Variants in EFCAB14 observed in about 807,000 individuals in gnomAD.
EFCAB14 encodes the protein EF-hand calcium binding domain 14.
A neutral mutation model predicts 56.5 loss-of-function variants in EFCAB14; 43 were observed. The ratio of observed to expected loss-of-function variants is 0.76; its 90% confidence interval spans 0.60 to 0.98. The LOEUF (loss-of-function observed/expected upper bound fraction) is 0.98. EFCAB14 is among the 50% of genes least tolerant of loss of function. EFCAB14 has a pLI of 0.00. For missense variants in EFCAB14, 538 were observed against 580.3 expected (o/e 0.93, Z 0.75); for synonymous variants, 235 against 212.9 (o/e 1.10, Z -0.90).
chr1:46,698,019 T>G (rs1158511024), intron 3 of EFCAB14, among the ~76,000 whole-genome samples: 1 of 152,012 alleles, frequency 6.6e-6, no homozygotes, highest in Non-Finnish European at 1.5e-5. Context: ...ACCTGGCAAA[T>G]TTTTGCATTT....
intron 3 of EFCAB14, among the ~76,000 whole-genome samples, 193 bp from the exon 4 acceptor site, chr1:46,696,842 C>T (rs1018534954): frequency 1.3e-5 from 2 of 152,038 alleles, no homozygotes; most frequent in African/African-American, 4.8e-5. Flanking sequence ...ACAATAATAC[C>T]CCTTCTTTCC....
At chr1:46,702,115 T>C (rs1054142730) in intron 3 of EFCAB14, among the ~76,000 whole-genome samples, 1 of 152,172 alleles carries the variant, frequency 6.6e-6, no homozygotes, top group Non-Finnish European at 1.5e-5. Flanking sequence ...TTAAGAAAAA[T>C]CCATATTCCA....
intron 3 of EFCAB14, among the ~76,000 whole-genome samples, chr1:46,703,767 C>G (rs1677194566): frequency 1.3e-5 from 2 of 152,176 alleles, no homozygotes; most frequent in Non-Finnish European, 2.9e-5. Context: ...CAGCATGTCA[C>G]CTTGTTCAAA....
rs1407467042 is a variant in EFCAB14 at position 46,688,512 on chromosome 1, C to T, written c.828G>A (p.Glu276=). ...DILYLHNSLE[E]VNSALVGYQR... is the part of the protein sequence containing the mutation. ...GGTACCCCACTAGGGCACTGTTTAC[C>T]TCCTCTAAAGAGTTGTGAAGGTACA... Residue 276 remains glutamate, a synonymous_variant, in exon 7 of 11, where the codon GAG becomes GAA. Coordinates refer to ENST00000371933, the MANE Select transcript of EFCAB14 (RefSeq NM_014774.3). 1 of 1,613,672 alleles carries T rather than the reference C, an allele frequency of 6.2e-7. No individual in the cohort carries two copies. The highest frequency in any genetic ancestry group is 1.7e-5 in the Admixed American group (1 of 59,962).
intron 3 of EFCAB14, among the ~76,000 whole-genome samples, chr1:46,703,359 C>T (rs1297854292): frequency 3.3e-5 from 5 of 152,170 alleles, no homozygotes; most frequent in Non-Finnish European, 7.4e-5. Flanking sequence ...CCACCCACCT[C>T]GGCCTCCCAA....
At chr1:46,706,254 C>T (rs1388322188) in intron 3 of EFCAB14, among the ~76,000 whole-genome samples, 1 of 152,176 alleles carries the variant, frequency 6.6e-6, no homozygotes, top group Non-Finnish European at 1.5e-5. Context: ...AAAAACCTAT[C>T]AATGACATTG....
intron 1 of EFCAB14, 133 bp from the exon 2 acceptor site, chr1:46,716,576 G>T: frequency 2.0e-6 from 2 of 994,878 alleles, no homozygotes; most frequent in Non-Finnish European, 2.9e-6. Flanking sequence ...GGGGAGGCAG[G>T]GTAAAGCACT....
At position 46,676,881 on chromosome 1, in the gene EFCAB14, A is replaced by AG. The variant is rs1156878495; in HGVS notation, c.*1579_*1580insC. 1 of 152,432 alleles carries AG rather than the reference A, an allele frequency of 6.6e-6. No homozygotes were observed. Among genetic ancestry groups the AG allele is most frequent in the African/African-American group, 2.4e-5 (1 of 41,406 alleles). 9.4% of individuals were successfully genotyped at this position (152,432 alleles called of 1,614,324 possible). A position where few individuals can be genotyped will look rare whatever the true frequency, so the allele number is the denominator to read the frequency against. ...TGAACATCATGTAAAGAAAAAAAAA[A>AG]CAGCCCTTAAATGTTTAAGGGTACC... On this transcript the variant is annotated 3_prime_UTR_variant, in exon 11 of 11. Coordinates refer to ENST00000371933, the MANE Select transcript of EFCAB14 (RefSeq NM_014774.3).
rs150658610 is a variant in EFCAB14 at position 46,689,592 on chromosome 1, T to C, written c.790A>G (p.Lys264Glu). The change falls in exon 6 of 11, where the codon AAA becomes GAA. Residue 264 changes from lysine (K) to glutamate (E), a missense_variant. Transcript: ENST00000371933. ...AAGCCAGAGATAAAAAGCACCTGTT[T>C]CAAATTCTCACTGTGGGTTTTATTG... ...LDNKTHSENL[K>E]QDILYLHNSL... 6.2e-7 allele frequency: 1 copy of C among 1,613,660 alleles called. No individual in the cohort carries two copies. Among genetic ancestry groups the C allele is most frequent in the African/African-American group, 1.3e-5 (1 of 74,890 alleles).
At chr1:46,698,275 T>G (rs1042652600) in intron 3 of EFCAB14, among the ~76,000 whole-genome samples, 1 of 152,150 alleles carries the variant, frequency 6.6e-6, no homozygotes, top group African/African-American at 2.4e-5. Context: ...CTCTTTTCTT[T>G]TAGAAGGCAA....
At chr1:46,688,926 C>A (rs935137138) in intron 6 of EFCAB14, among the ~76,000 whole-genome samples, 2 of 152,168 alleles carry the variant, frequency 1.3e-5, no homozygotes, top group African/African-American at 2.4e-5. Context: ...AGGAACAATA[C>A]CGATTACTGA....
In EFCAB14 at chr1:46,688,302, C is replaced by T. The variant is rs377231877; in HGVS notation, c.987+51G>A. ...TCTCAAAAGGTGGTAGAATGTTATC[C>T]ATGCACAGACAAAACACACTGCATG... On this transcript the variant is annotated intron_variant, in intron 7 of 10. Coordinates refer to ENST00000371933, the MANE Select transcript of EFCAB14 (RefSeq NM_014774.3). 39 of 1,552,078 alleles carry T rather than the reference C, an allele frequency of 2.5e-5. No homozygotes were observed. In the African/African-American group the frequency reaches 3.7e-4, roughly 15 times the overall value.
intron 3 of EFCAB14, among the ~76,000 whole-genome samples, chr1:46,702,608 A>G (rs557561862): frequency 1.7e-4 from 26 of 152,356 alleles, no homozygotes; most frequent in South Asian, 4.1e-4. Flanking sequence ...AGGAGATCAC[A>G]TGTGCAGTGC....
At chr1:46,694,608 G>T (rs1047650125) in intron 4 of EFCAB14, among the ~76,000 whole-genome samples, 2 of 152,180 alleles carry the variant, frequency 1.3e-5, no homozygotes, top group Admixed American at 1.3e-4. Flanking sequence ...GGAGAAATAG[G>T]AACACTTTTA....
chr1:46,717,857 T>G (rs997001935), intron 1 of EFCAB14, 46 bp downstream of exon 1: 2 of 1,584,332 alleles, frequency 1.3e-6, no homozygotes, highest in African/African-American at 2.7e-5. Context: ...CCCTTGGTAG[T>G]GCAAGGAGAT....
chr1:46,678,518 AT>A lies in EFCAB14; in HGVS notation c.1430del (p.Asp477ValfsTer13). 1.2e-6 allele frequency: 2 copies of A among 1,614,152 alleles called. No homozygotes were observed. The highest frequency in any genetic ancestry group is 1.7e-6 in the Non-Finnish European group (2 of 1,180,008). On this transcript the variant is annotated frameshift_variant, in exon 11 of 11. Transcript: ENST00000371933. LOFTEE classifies it high-confidence loss of function. ...ATGAGTATCTTCCATCTCCATCGGA[AT>A]CAAATGCTCTCAAGCTCTCTGGTTC... ...MPEPESLRAF[D>X]SDGDGRYSFL...
At chr1:46,687,031 G>C (rs1676894123) in intron 7 of EFCAB14, 161 bp from the exon 8 acceptor site, 7 of 646,460 alleles carry the variant, frequency 1.1e-5, no homozygotes, top group Non-Finnish European at 1.9e-5. Flanking sequence ...GGAGGAGAGA[G>C]GGAGAAAGGC....
intron 9 of EFCAB14, among the ~76,000 whole-genome samples, chr1:46,683,828 C>G (rs1676835686): frequency 1.3e-5 from 2 of 152,180 alleles, no homozygotes; most frequent in Admixed American, 1.3e-4. Flanking sequence ...GCTAAGAGTG[C>G]AACCGTAAGA....
intron 10 of EFCAB14, chr1:46,682,091 T>C (rs558890646): frequency 6.6e-6 from 1 of 152,346 alleles, no homozygotes; most frequent in South Asian, 2.1e-4. Context: ...ATTTAACAAA[T>C]ATTCAGGAGT....
Sources: gnomAD v4.1 joint callset for allele counts (sites outside exome capture counted in the v4.1 genomes callset) on GRCh38, gnomAD v4.1.1 for gene constraint, MANE v1.5 for transcripts, NCBI Gene and HGNC (gene_info 2026-07-23, HGNC 2026-07-21) for gene names.